The following GPR158 variants were observed in gnomAD, a reference collection of about 807,000 sequenced individuals.
The protein encoded by GPR158 is G protein-coupled receptor 158.
In GPR158, 30 loss-of-function variants were observed where a neutral mutation model predicts 78.2. That is an observed-to-expected ratio of 0.38 (90% CI 0.29 to 0.52). GPR158 has a LOEUF of 0.52. GPR158 is among the 20% of genes least tolerant of loss of function. The pLI, the probability that GPR158 is intolerant of heterozygous loss-of-function variation, is 0.83. For missense variants in GPR158, 1,463 were observed against 1,523.5 expected, an observed-to-expected ratio of 0.96 and a Z score of 0.66; for synonymous variants, 581 against 591.1, an observed-to-expected ratio of 0.98 and a Z score of 0.25.
chr10:25,364,667 A>G (rs1302446504), intron 2 of GPR158, among the ~76,000 whole-genome samples: 1 of 151,852 alleles, frequency 6.6e-6, no homozygotes, highest in Admixed American at 6.6e-5. Context: ...TCTGAATTTT[A>G]TGTATATTTT....
intron 5 of GPR158, among the ~76,000 whole-genome samples, chr10:25,505,455 G>C (rs1307777235): frequency 2.6e-5 from 4 of 152,126 alleles, no homozygotes; most frequent in Admixed American, 2.6e-4. Flanking sequence ...AGATCTCCAA[G>C]TCCCTATGGT....
chr10:25,419,974 G>T (rs982777898), intron 4 of GPR158, among the ~76,000 whole-genome samples: 1 of 151,958 alleles, frequency 6.6e-6, no homozygotes, highest in Non-Finnish European at 1.5e-5. Context: ...AATCCTCTAT[G>T]TTCTGCCTTT....
intron 4 of GPR158, among the ~76,000 whole-genome samples, chr10:25,457,139 C>CTT (rs1835301742): frequency 1.1e-5 from 1 of 88,394 alleles, no homozygotes; most frequent in Non-Finnish European, 2.1e-5. Flanking sequence ...ACCATGCCCA[C>CTT]CTTTTTTTTT....
intron 4 of GPR158, among the ~76,000 whole-genome samples, chr10:25,424,991 C>T (rs890001868): frequency 1.1e-4 from 16 of 152,258 alleles, no homozygotes; most frequent in East Asian, 9.6e-4. Flanking sequence ...GCCATTTTCA[C>T]GACATTGATT....
At chr10:25,406,488 C>G (rs1449272626) in intron 3 of GPR158, among the ~76,000 whole-genome samples, 1 of 152,090 alleles carries the variant, frequency 6.6e-6, no homozygotes, top group Non-Finnish European at 1.5e-5. Flanking sequence ...TTGAAAGGAT[C>G]AGATTTCAGT....
At chr10:25,304,354 G>A (rs2130452685) in intron 2 of GPR158, among the ~76,000 whole-genome samples, 1 of 152,132 alleles carries the variant, frequency 6.6e-6, no homozygotes, top group South Asian at 2.1e-4. Context: ...AGGTAGCTAG[G>A]ATGGGAAAGT....
At chr10:25,243,110 C>T (rs1244374592) in intron 2 of GPR158, among the ~76,000 whole-genome samples, 1 of 152,224 alleles carries the variant, frequency 6.6e-6, no homozygotes, top group Non-Finnish European at 1.5e-5. Flanking sequence ...AGGCCATCTG[C>T]ACGGATTCTA....
intron 2 of GPR158, among the ~76,000 whole-genome samples, chr10:25,261,701 A>G (rs1269335482): frequency 1.3e-5 from 2 of 152,124 alleles, no homozygotes; most frequent in Non-Finnish European, 2.9e-5. Flanking sequence ...AGTAATGCAT[A>G]TTTGCTCAGA....
chr10:25,441,382 T>C (rs1835066154), intron 4 of GPR158, among the ~76,000 whole-genome samples: 1 of 152,240 alleles, frequency 6.6e-6, no homozygotes, highest in African/African-American at 2.4e-5. Flanking sequence ...TTGCCCTTTC[T>C]GCTTTGTAAT....
chr10:25,378,940 C>T (rs1259266267), intron 2 of GPR158, among the ~76,000 whole-genome samples: 2 of 152,070 alleles, frequency 1.3e-5, no homozygotes, highest in Non-Finnish European at 2.9e-5. Context: ...CAGACATGTA[C>T]TACTACACCT....
intron 2 of GPR158, among the ~76,000 whole-genome samples, chr10:25,253,966 C>T (rs981632848): frequency 1.3e-5 from 2 of 152,178 alleles, no homozygotes; most frequent in Admixed American, 1.3e-4. Flanking sequence ...ACAACTGTCT[C>T]AGTCTAACAT....
At chr10:25,187,353 C>T (rs925164579) in intron 1 of GPR158, among the ~76,000 whole-genome samples, 1 of 152,124 alleles carries the variant, frequency 6.6e-6, no homozygotes, top group African/African-American at 2.4e-5. Flanking sequence ...AGGCCAATAT[C>T]CCTGATGAAC....
intron 2 of GPR158, among the ~76,000 whole-genome samples, chr10:25,243,050 TG>T (rs1345374261): frequency 1.3e-5 from 2 of 152,220 alleles, no homozygotes; most frequent in Non-Finnish European, 2.9e-5. Flanking sequence ...CACCAGACAA[TG>T]GTTGCTGCTG....
chr10:25,232,457 C>T (rs1008146095), intron 2 of GPR158, among the ~76,000 whole-genome samples: 11 of 152,208 alleles, frequency 7.2e-5, no homozygotes, highest in Admixed American at 5.2e-4. Flanking sequence ...TGTTGCTTAG[C>T]TACAGCCCTT....
chr10:25,580,549 G>A (rs905644233), intron 7 of GPR158, among the ~76,000 whole-genome samples: 5 of 146,846 alleles, frequency 3.4e-5, no homozygotes, highest in African/African-American at 1.3e-4. Flanking sequence ...GCTTTATTAT[G>A]ACAGGTGAAA....
intron 5 of GPR158, among the ~76,000 whole-genome samples, chr10:25,547,074 A>G (rs1452310190): frequency 2.0e-5 from 3 of 152,200 alleles, no homozygotes; most frequent in Non-Finnish European, 2.9e-5. Context: ...GAAAGATCCC[A>G]TCAGTTGCCA....
chr10:25,515,362 G>T (rs1836149950), intron 5 of GPR158, among the ~76,000 whole-genome samples: 1 of 151,148 alleles, frequency 6.6e-6, no homozygotes. Context: ...TTTAATTTAT[G>T]TTATCTATTT....
At chr10:25,484,200 G>T (rs1435524991) in intron 5 of GPR158, among the ~76,000 whole-genome samples, 3 of 152,052 alleles carry the variant, frequency 2.0e-5, no homozygotes, top group Non-Finnish European at 2.9e-5. Flanking sequence ...AACATGCCTG[G>T]CACACACACC....
intron 4 of GPR158, among the ~76,000 whole-genome samples, chr10:25,423,912 G>T (rs1834786555): frequency 6.6e-6 from 1 of 152,202 alleles, no homozygotes; most frequent in African/African-American, 2.4e-5. Flanking sequence ...TAATGGGATT[G>T]CTGGGTCAAA....
Sources: allele counts gnomAD v4.1 joint callset (sites outside exome capture counted in the v4.1 genomes callset), GRCh38; gene constraint gnomAD v4.1.1; transcripts MANE v1.5; gene names NCBI Gene and HGNC (gene_info 2026-07-23, HGNC 2026-07-21).